Variants in PDE3A observed in about 807,000 individuals in gnomAD.
PDE3A encodes phosphodiesterase 3A, also known as cGMP-inhibited 3',5'-cyclic phosphodiesterase 3A.
A neutral mutation model predicts 98.3 loss-of-function variants in PDE3A; 43 were observed. That is an observed-to-expected ratio of 0.44 (90% confidence interval 0.34 to 0.56). The LOEUF (loss-of-function observed/expected upper bound fraction) is 0.56, where lower values mean the gene tolerates loss of function less well. Ranked by LOEUF, PDE3A falls within the 20% of genes least tolerant of loss-of-function variation. PDE3A has a pLI of 0.01. For missense variants in PDE3A, 1,427 were observed against 1,440.7 expected, an observed-to-expected ratio of 0.99 and a Z score of 0.15; for synonymous variants, 663 against 567.9, an observed-to-expected ratio of 1.17 and a Z score of -2.38.
At chr12:20,468,814 G>A (rs1214934228) in intron 1 of PDE3A, among the ~76,000 whole-genome samples, 1 of 152,210 alleles carries the variant, frequency 6.6e-6, no homozygotes, top group Non-Finnish European at 1.5e-5. Context: ...TACACAAAGG[G>A]TGGAAGAGCC....
intron 1 of PDE3A, among the ~76,000 whole-genome samples, chr12:20,472,756 G>A (rs1945462109): frequency 6.6e-6 from 1 of 151,980 alleles, no homozygotes; most frequent in Non-Finnish European, 1.5e-5. Context: ...ATCTCATTTT[G>A]GGGAATTTTA....
intron 5 of PDE3A, among the ~76,000 whole-genome samples, chr12:20,628,218 A>T (rs1237778726): frequency 6.6e-6 from 1 of 152,236 alleles, no homozygotes; most frequent in Non-Finnish European, 1.5e-5. Flanking sequence ...CAGCAAACTT[A>T]TAACCCACTT....
At chr12:20,507,203 A>G (rs796464266) in intron 1 of PDE3A, among the ~76,000 whole-genome samples, 6 of 152,084 alleles carry the variant, frequency 3.9e-5, no homozygotes, top group African/African-American at 1.4e-4. Context: ...CTACATAGCT[A>G]ATGGAAAAAC....
intron 12 of PDE3A, among the ~76,000 whole-genome samples, chr12:20,648,002 TAGGCAGCTTCCCTTTTTAAAA>T (rs1229372951): frequency 2.6e-5 from 4 of 151,872 alleles, no homozygotes; most frequent in Non-Finnish European, 5.9e-5. Flanking sequence ...AGGCATTTTG[TAGGCAGCTTCCCTTTTTAAAA>T]AAAAATTCTC....
chr12:20,464,630 A>G (rs1040016566), intron 1 of PDE3A, among the ~76,000 whole-genome samples: 2 of 152,196 alleles, frequency 1.3e-5, no homozygotes, highest in African/African-American at 4.8e-5. Flanking sequence ...CTCAAAGCCA[A>G]TCTGGTTTCA....
At chr12:20,672,877 C>A (rs1945525011) in intron 15 of PDE3A, among the ~76,000 whole-genome samples, 1 of 139,354 alleles carries the variant, frequency 7.2e-6, no homozygotes. Context: ...AGAGCTTCTG[C>A]ACAGCAAAAG....
chr12:20,505,724 A>G (rs2121098102), intron 1 of PDE3A, among the ~76,000 whole-genome samples: 1 of 152,238 alleles, frequency 6.6e-6, no homozygotes, highest in Admixed American at 6.5e-5. Context: ...TCTGTTACAT[A>G]AATGTGAAAC....
At chr12:20,595,053 C>T (rs188112407) in intron 2 of PDE3A, among the ~76,000 whole-genome samples, 141 of 152,162 alleles carry the variant, frequency 9.3e-4, no homozygotes, top group Non-Finnish European at 7.2e-4. Context: ...AACTTTACTT[C>T]AACTAGTTGT....
At chr12:20,614,830 T>A (rs1315462965) in intron 3 of PDE3A, among the ~76,000 whole-genome samples, 3 of 152,134 alleles carry the variant, frequency 2.0e-5, no homozygotes, top group Non-Finnish European at 2.9e-5. Context: ...CTTCTCAAAA[T>A]TTTTTACCTT....
chr12:20,603,264 TTGCCTCCCAGGG>T (rs71972034), intron 2 of PDE3A, among the ~76,000 whole-genome samples: 62,516 of 151,828 alleles, frequency 0.41, 13,628 homozygotes, highest in Admixed American at 0.5. Context: ...CATGCTGTGT[TTGCCTCCCAGGG>T]TGCCTCCCAG....
chr12:20,395,922 CTG>C (rs1944009089), intron 1 of PDE3A, among the ~76,000 whole-genome samples: 1 of 151,762 alleles, frequency 6.6e-6, no homozygotes, highest in South Asian at 2.1e-4. Context: ...CAGGATATTG[CTG>C]TGTCACTGTC....
chr12:20,520,933 G>A (rs1946412861), intron 1 of PDE3A, among the ~76,000 whole-genome samples: 1 of 152,226 alleles, frequency 6.6e-6, no homozygotes, highest in East Asian at 1.9e-4. Context: ...GAGATCCAGA[G>A]GGGAGACCTT....
intron 1 of PDE3A, among the ~76,000 whole-genome samples, chr12:20,512,881 C>T (rs1339654881): frequency 1.3e-5 from 2 of 152,046 alleles, no homozygotes; most frequent in African/African-American, 4.8e-5. Context: ...TGTGGTAACA[C>T]CTATCATTAT....
chr12:20,587,089 G>T (rs1407676709), intron 2 of PDE3A, among the ~76,000 whole-genome samples: 1 of 152,156 alleles, frequency 6.6e-6, no homozygotes, highest in Non-Finnish European at 1.5e-5. Flanking sequence ...AGTAGGCTCT[G>T]CTGGGCGCAG....
intron 1 of PDE3A, among the ~76,000 whole-genome samples, chr12:20,475,576 A>G (rs1945517666): frequency 6.6e-6 from 1 of 152,022 alleles, no homozygotes; most frequent in African/African-American, 2.4e-5. Context: ...CAAAAAATAC[A>G]AAAATTAGCC....
chr12:20,384,501 C>T (rs1022948907), intron 1 of PDE3A, among the ~76,000 whole-genome samples: 1 of 151,924 alleles, frequency 6.6e-6, no homozygotes, highest in African/African-American at 2.4e-5. Context: ...GCAGCTGATA[C>T]TCTACCTATC....
At chr12:20,513,139 T>C (rs1377292720) in intron 1 of PDE3A, among the ~76,000 whole-genome samples, 2 of 152,164 alleles carry the variant, frequency 1.3e-5, no homozygotes, top group Admixed American at 6.6e-5. Flanking sequence ...GTGTTTTACA[T>C]TTTGTCACAT....
chr12:20,557,442 G>C (rs1942398156), intron 2 of PDE3A, among the ~76,000 whole-genome samples: 1 of 152,122 alleles, frequency 6.6e-6, no homozygotes, highest in South Asian at 2.1e-4. Context: ...GCAGGCTATG[G>C]TTACCTGACT....
At chr12:20,485,513 T>C (rs559636387) in intron 1 of PDE3A, among the ~76,000 whole-genome samples, 1 of 152,298 alleles carries the variant, frequency 6.6e-6, no homozygotes, top group East Asian at 1.9e-4. Context: ...TGATTAGTGT[T>C]AATACATTTT....
Sources: gnomAD v4.1 joint callset for allele counts (sites outside exome capture counted in the v4.1 genomes callset) on GRCh38, gnomAD v4.1.1 for gene constraint, MANE v1.5 for transcripts, NCBI Gene and HGNC (gene_info 2026-07-23, HGNC 2026-07-21) for gene names.